Variants in ARHGAP29 observed in about 807,000 individuals in gnomAD.
ARHGAP29 encodes rho GTPase-activating protein 29.
A neutral mutation model predicts 122.6 loss-of-function variants in ARHGAP29; 43 were observed. That is an observed-to-expected ratio of 0.35 (90% confidence interval 0.27 to 0.45). The LOEUF (loss-of-function observed/expected upper bound fraction) is 0.45, where lower values mean the gene tolerates loss of function less well. Among genes scored for constraint, ARHGAP29 ranks in the 20% least tolerant of loss-of-function variants. The probability of loss-of-function intolerance (pLI) is 1.00; values close to 1 mark genes in which losing one functional copy is unlikely to be tolerated. For synonymous variants in ARHGAP29, 506 were observed against 497.1 expected (o/e 1.02, Z -0.24); for missense variants, 1,303 against 1,477.2 (o/e 0.88, Z 1.93).
At chr1:94,220,152 A>G in intron 3 of ARHGAP29, 106 bp downstream of exon 3, 1 of 1,245,556 alleles carries the variant, frequency 8.0e-7, no homozygotes, top group Non-Finnish European at 1.1e-6. Flanking sequence ...AACATACATC[A>G]CACAAATGCA....
the ARHGAP29 span, among the ~76,000 whole-genome samples, chr1:94,283,758 A>G: frequency 2.1e-3 from 326 of 152,352 alleles, no homozygotes; most frequent in Non-Finnish European, 3.7e-3. Context: ...GAAGTTTAAC[A>G]AACAAACAAG....
intron 1 of ARHGAP29, among the ~76,000 whole-genome samples, chr1:94,232,747 A>G (rs1299803467): frequency 6.6e-6 from 1 of 152,204 alleles, no homozygotes; most frequent in Non-Finnish European, 1.5e-5. Context: ...TTACCTTTCC[A>G]GAGTTAAAAG....
intron 1 of ARHGAP29, among the ~76,000 whole-genome samples, chr1:94,235,936 GCTCT>G (rs377726619): frequency 5.3e-5 from 8 of 152,210 alleles, no homozygotes; most frequent in African/African-American, 1.2e-4. Flanking sequence ...TTCATTTTAG[GCTCT>G]CTAATTGAAG....
At chr1:94,237,376 C>CCGCCGCGGCCGGAGCAAG (rs1653345460) in intron 1 of ARHGAP29, 39 bp downstream of exon 1, 1 of 983,766 alleles carries the variant, frequency 1.0e-6, no homozygotes, top group Non-Finnish European at 1.2e-6. Context: ...GGAGCCACGA[C>CCGCCGCGGCCGGAGCAAG]CGCCGCGGCC....
chr1:94,218,709 T>C (rs941326305), intron 3 of ARHGAP29, among the ~76,000 whole-genome samples: 12 of 152,180 alleles, frequency 7.9e-5, no homozygotes, highest in African/African-American at 2.9e-4. Flanking sequence ...ATGTTTCCCA[T>C]TTAAAAATCA....
intron 1 of ARHGAP29, among the ~76,000 whole-genome samples, chr1:94,247,349 C>T (rs565183827): frequency 1.1e-3 from 168 of 152,162 alleles, no homozygotes; most frequent in African/African-American, 3.8e-3. Flanking sequence ...TCCCCTGCTG[C>T]CCGCCGGCGT....
Position 94,231,558 on chromosome 1 carries a change from A to G in ARHGAP29, c.54T>C (p.Gly18=). 1 of 1,613,758 alleles carries G rather than the reference A, an allele frequency of 6.2e-7. No homozygotes were observed. The highest frequency in any genetic ancestry group is 8.5e-7 in the Non-Finnish European group (1 of 1,179,742). The change falls in exon 2 of 23, where the codon GGT becomes GGC. Residue 18 remains glycine, a synonymous_variant. Transcript: ENST00000260526. ...KTKKKRAWAS[G]QLSTDITTSE... ...AAGTTGTAATATCAGTAGAGAGTTG[A>G]CCTGATGCCCAAGCACGTTTTTTCT...
chr1:94,199,875 ACTGACCTTT>A (rs1650727764), intron 12 of ARHGAP29, among the ~76,000 whole-genome samples: 2 of 152,244 alleles, frequency 1.3e-5, no homozygotes, highest in East Asian at 3.9e-4. Context: ...TTTCAATGGC[ACTGACCTTT>A]CTGTGTCACT....
intron 11 of ARHGAP29, 121 bp downstream of exon 11, chr1:94,202,423 G>T: frequency 8.4e-7 from 1 of 1,194,194 alleles, no homozygotes; most frequent in Non-Finnish European, 1.2e-6. Context: ...CTGGGGGATG[G>T]GCTTAGCCAT....
chr1:94,175,266 T>C (rs557597875), intron 22 of ARHGAP29, among the ~76,000 whole-genome samples: 2 of 152,226 alleles, frequency 1.3e-5, no homozygotes, highest in African/African-American at 4.8e-5. Context: ...AAGCATAAAA[T>C]CCATTCTGTC....
At chr1:94,220,164 T>G in intron 3 of ARHGAP29, 94 bp downstream of exon 3, 1 of 1,334,036 alleles carries the variant, frequency 7.5e-7, no homozygotes, top group Non-Finnish European at 1.1e-6. Context: ...ACAAATGCAA[T>G]GAGAGGAATT....
the ARHGAP29 span, among the ~76,000 whole-genome samples, chr1:94,291,505 T>G: frequency 6.6e-6 from 1 of 152,260 alleles, no homozygotes; most frequent in Non-Finnish European, 1.5e-5. Flanking sequence ...TGATGCTAGC[T>G]GGTTATTTCA....
rs2101305534 is a variant in ARHGAP29, at chr1:94,173,275, T to C, written c.*594A>G. ...GGCAATTAATTAAAATGCAATTAAA[T>C]ACAGATTTGCAAGCCTTCTGGCCAT... On this transcript the variant is annotated 3_prime_UTR_variant, in exon 23 of 23. Transcript: ENST00000260526. 6.5e-6 allele frequency: 1 copy of C among 152,732 alleles called. No individual in the cohort carries two copies. Among genetic ancestry groups the C allele is most frequent in the Non-Finnish European group, 1.5e-5 (1 of 68,016 alleles). 9.5% of individuals were successfully genotyped at this position (152,732 alleles called of 1,614,324 possible). A position where few individuals can be genotyped will look rare whatever the true frequency, so the allele number is the denominator to read the frequency against.
chr1:94,190,963 G>A (rs1184247635), intron 12 of ARHGAP29: 1 of 152,132 alleles, frequency 6.6e-6, no homozygotes, highest in Non-Finnish European at 1.5e-5. Flanking sequence ...CTTCTCTGAG[G>A]AGGTAACATT....
the ARHGAP29 span, among the ~76,000 whole-genome samples, chr1:94,304,247 C>T: frequency 1.3e-5 from 2 of 152,238 alleles, no homozygotes; most frequent in Non-Finnish European, 2.9e-5. Flanking sequence ...TAAAGCTATC[C>T]TCTGGCCTCA....
intron 1 of ARHGAP29, among the ~76,000 whole-genome samples, chr1:94,271,843 A>G (rs1338730940): frequency 6.6e-6 from 1 of 152,190 alleles, no homozygotes; most frequent in African/African-American, 2.4e-5. Flanking sequence ...AAGTAAGGGG[A>G]CAGAGCAAAG....
intron 12 of ARHGAP29, among the ~76,000 whole-genome samples, chr1:94,196,366 A>T (rs866846227): frequency 3.5e-4 from 47 of 133,962 alleles, no homozygotes; most frequent in Non-Finnish European, 6.1e-4. Context: ...GGTTCACGCC[A>T]TTCTCCTGCC....
At chr1:94,257,462 C>T (rs1192281384) in intron 1 of ARHGAP29, among the ~76,000 whole-genome samples, 2 of 152,186 alleles carry the variant, frequency 1.3e-5, no homozygotes, top group East Asian at 3.9e-4. Flanking sequence ...AATCTCAGCA[C>T]TTTGGGAGGC....
Position 94,237,570 on chromosome 1 carries a change from G to A in ARHGAP29, c.-188C>T, listed in dbSNP as rs373789567. The A allele has an allele frequency of 9.1e-6, 9 of 991,794 alleles. No homozygotes were observed. The highest frequency in any genetic ancestry group is 5.1e-4 in the Middle Eastern group (1 of 1,960). 61.4% of individuals were successfully genotyped at this position (991,794 alleles called of 1,614,324 possible). A position where few individuals can be genotyped will look rare whatever the true frequency, so the allele number is the denominator to read the frequency against. ...AGCCGCAGCCGCAGCCACAGCCACA[G>A]GCACCACCACCACTGCAGCCGCCAC... On this transcript the variant is annotated 5_prime_UTR_variant, in exon 1 of 23. Transcript: ENST00000260526.
Sources: gnomAD v4.1 joint callset for allele counts (sites outside exome capture counted in the v4.1 genomes callset) on GRCh38, gnomAD v4.1.1 for gene constraint, MANE v1.5 for transcripts, NCBI Gene and HGNC (gene_info 2026-07-23, HGNC 2026-07-21) for gene names.